Variants in CCDC138 observed in about 807,000 individuals in gnomAD.
CCDC138 encodes coiled-coil domain containing 138.
CCDC138 carries 66 observed loss-of-function variants against 82.3 expected under a neutral mutation model. That is an observed-to-expected ratio of 0.80 (90% confidence interval 0.66 to 0.98). The LOEUF (loss-of-function observed/expected upper bound fraction) is 0.98. Among genes scored for constraint, CCDC138 ranks in the 50% least tolerant of loss-of-function variants. The pLI is 0.00. For synonymous variants in CCDC138, 297 were observed against 265.4 expected, an observed-to-expected ratio of 1.12 and a Z score of -1.16; for missense variants, 816 against 758.9, an observed-to-expected ratio of 1.08 and a Z score of -0.88.
chr2:108,790,235 G>A lies in CCDC138; in HGVS notation c.266+1269G>A, dbSNP rs182796607. ...TAGACATGAGCTACGTTGAATGTAG[G>A]GTAAGGAAAGTGAAAATTGCTTTTA... On this transcript the variant is annotated intron_variant, in intron 3 of 14. Coordinates refer to ENST00000295124, the MANE Select transcript of CCDC138 (RefSeq NM_144978.3). Among the ~76,000 whole-genome samples, 14 of 152,096 alleles carry A rather than the reference G, an allele frequency of 9.2e-5. No individual in the cohort carries two copies. The East Asian group carries it at 2.3e-3, about 25-fold the overall frequency.
intron 10 of CCDC138, among the ~76,000 whole-genome samples, chr2:108,818,769 A>G (rs1558668543): frequency 6.6e-6 from 1 of 152,106 alleles, no homozygotes; most frequent in Non-Finnish European, 1.5e-5. Context: ...GTATAACTCA[A>G]AATATTTTAG....
At chr2:108,870,124 A>G (rs562494662) in intron 13 of CCDC138, among the ~76,000 whole-genome samples, 1 of 152,352 alleles carries the variant, frequency 6.6e-6, no homozygotes, top group South Asian at 2.1e-4. Flanking sequence ...TAATGAAATC[A>G]GGGAAATGAT....
intron 9 of CCDC138, 62 bp downstream of exon 9, chr2:108,812,989 C>A (rs1371390708): frequency 1.4e-6 from 2 of 1,379,410 alleles, no homozygotes; most frequent in South Asian, 2.4e-5. Context: ...GTGGCTCACA[C>A]CTGTAATCCC....
Position 108,846,952 on chromosome 2 carries a change from T to C in CCDC138, c.1516+22T>C, listed in dbSNP as rs373334591. ...CAAGGTAAGCTTTCAATTGTACTTATGGTTAATTTTGAGAAACAATAGAGA... is the reference window on the plus strand; with the variant it reads ...CAAGGTAAGCTTTCAATTGTACTTACGGTTAATTTTGAGAAACAATAGAGA... On this transcript the variant is annotated intron_variant, in intron 12 of 14. Transcript: ENST00000295124. 6.4e-5 allele frequency: 84 copies of C among 1,311,296 alleles called. No individual in the cohort carries two copies. In the African/African-American group the frequency reaches 9.9e-4, roughly 15 times the overall value. The allele number at this position is 1,311,296 out of a possible 1,614,324, so 81.2% of individuals were successfully genotyped here. A position where few individuals can be genotyped will look rare whatever the true frequency, so the allele number is the denominator to read the frequency against.
intron 10 of CCDC138, among the ~76,000 whole-genome samples, chr2:108,827,065 A>G (rs569341800): frequency 6.6e-6 from 1 of 152,294 alleles, no homozygotes; most frequent in East Asian, 1.9e-4. Context: ...ATATGGTTAC[A>G]CAATTAAAGG....
At chr2:108,787,970 A>G (rs1277824027) in intron 1 of CCDC138, 62 bp from the exon 2 acceptor site, 4 of 1,307,114 alleles carry the variant, frequency 3.1e-6, no homozygotes, top group Non-Finnish European at 4.2e-6. Context: ...TTGTGGGGAA[A>G]TATTTTGAGA....
At chr2:108,823,365 A>G (rs925080082) in intron 10 of CCDC138, among the ~76,000 whole-genome samples, 2 of 152,252 alleles carry the variant, frequency 1.3e-5, no homozygotes, top group African/African-American at 4.8e-5. Context: ...CTTGATAAAT[A>G]TTGATGCAAA....
rs748506215 is a variant in CCDC138 at position 108,798,409 on chromosome 2, G to A, written c.577-19G>A. ...TTTGTGACTTTTCAAGAGCATTAAAGTCTGGCATTTTGATACAGTGTGAAA... is the reference window on the plus strand; with the variant it reads ...TTTGTGACTTTTCAAGAGCATTAAAATCTGGCATTTTGATACAGTGTGAAA... On this transcript the variant is annotated intron_variant, in intron 5 of 14. Coordinates refer to ENST00000295124, the MANE Select transcript of CCDC138 (RefSeq NM_144978.3). 1 of 1,599,480 alleles carries A rather than the reference G, an allele frequency of 6.3e-7. No homozygotes were observed. The highest frequency in any genetic ancestry group is 8.5e-7 in the Non-Finnish European group (1 of 1,173,102).
At chr2:108,866,753 G>A (rs1451189900) in intron 13 of CCDC138, among the ~76,000 whole-genome samples, 2 of 152,012 alleles carry the variant, frequency 1.3e-5, no homozygotes, top group Non-Finnish European at 2.9e-5. Context: ...CGCGGTGACG[G>A]GTGCCTATAA....
chr2:108,881,360 G>A (rs1002511812), downstream of CCDC138, among the ~76,000 whole-genome samples: 1 of 152,216 alleles, frequency 6.6e-6, no homozygotes, highest in Non-Finnish European at 1.5e-5. Flanking sequence ...TTAGGGCCTT[G>A]CTATGGATTA....
chr2:108,812,190 TATAGGAAGTCAGTTCTTCC>T (rs1339044033), intron 7 of CCDC138, among the ~76,000 whole-genome samples: 15 of 152,138 alleles, frequency 9.9e-5, no homozygotes, highest in African/African-American at 3.6e-4. Context: ...CCTTTCCATA[TATAGGAAGTCAGTTCTTCC>T]ATATATATAT....
intron 11 of CCDC138, among the ~76,000 whole-genome samples, chr2:108,839,820 TTG>T (rs1328450156): frequency 6.6e-6 from 1 of 152,010 alleles, no homozygotes; most frequent in African/African-American, 2.4e-5. Context: ...GAAAACAGTG[TTG>T]TGTTTTTTTT....
chr2:108,833,633 A>C (rs956921779), intron 10 of CCDC138, among the ~76,000 whole-genome samples: 2 of 152,224 alleles, frequency 1.3e-5, no homozygotes, highest in African/African-American at 2.4e-5. Flanking sequence ...GCCAAAAAGC[A>C]AAGTGAAAGA....
intron 2 of CCDC138, 149 bp from the exon 3 acceptor site, chr2:108,788,703 G>A (rs1357388372): frequency 3.7e-6 from 4 of 1,081,252 alleles, no homozygotes; most frequent in African/African-American, 1.6e-5. Flanking sequence ...CTGGGTGACA[G>A]AGCGAGACTC....
At chr2:108,881,397 C>T (rs560146368), downstream of CCDC138, among the ~76,000 whole-genome samples, 102 of 152,330 alleles carry the variant, frequency 6.7e-4, no homozygotes, top group Non-Finnish European at 1.3e-3. Flanking sequence ...AATATTGTGG[C>T]CGATTTGTAT....
intron 14 of CCDC138, among the ~76,000 whole-genome samples, chr2:108,875,684 C>A (rs1013044708): frequency 1.3e-5 from 2 of 151,884 alleles, no homozygotes; most frequent in Non-Finnish European, 2.9e-5. Flanking sequence ...ATAGTGACAC[C>A]CTGTCTCTAC....
intron 5 of CCDC138, among the ~76,000 whole-genome samples, chr2:108,796,490 G>A (rs1304282181): frequency 1.3e-5 from 2 of 152,056 alleles, no homozygotes; most frequent in African/African-American, 2.4e-5. Context: ...GTATATCCCC[G>A]AAAAAAGAAA....
At position 108,829,533 on chromosome 2, in the gene CCDC138, G is replaced by A. The variant is rs142834289; in HGVS notation, c.1207-9652G>A. 1.9e-3 allele frequency among the ~76,000 whole-genome samples: 286 copies of A among 152,326 alleles called. 3 individuals carry two copies. The highest frequency in any genetic ancestry group is 6.7e-3 in the African/African-American group (277 of 41,574). On this transcript the variant is annotated intron_variant, in intron 10 of 14. Coordinates refer to ENST00000295124, the MANE Select transcript of CCDC138 (RefSeq NM_144978.3). ...GGCCAAGGCAGGCGGGTCACTTGAG[G>A]TCAGGAGCTTGAGACCAGCCTGGCC... is the stretch of plus-strand genomic sequence containing the variant.
chr2:108,789,814 G>GA (rs1198173229), intron 3 of CCDC138, among the ~76,000 whole-genome samples: 2 of 151,992 alleles, frequency 1.3e-5, no homozygotes, highest in Admixed American at 1.3e-4. Context: ...TTACTATGGG[G>GA]AAAAAATATA....
Sources: allele counts gnomAD v4.1 joint callset (sites outside exome capture counted in the v4.1 genomes callset), GRCh38; gene constraint gnomAD v4.1.1; transcripts MANE v1.5; gene names NCBI Gene and HGNC (gene_info 2026-07-23, HGNC 2026-07-21).